Variants in PTPRD observed in about 807,000 individuals in gnomAD.
PTPRD encodes protein tyrosine phosphatase receptor type D, also known as receptor-type tyrosine-protein phosphatase delta.
Under a neutral mutation model 214.5 loss-of-function variants are expected in PTPRD, and 34 were observed. That is an observed-to-expected ratio of 0.16 (90% confidence interval 0.12 to 0.21). The LOEUF is 0.21. Ranked by LOEUF, PTPRD falls within the 10% of genes least tolerant of loss-of-function variation. The probability of loss-of-function intolerance (pLI) is 1.00; values close to 1 mark genes in which losing one functional copy is unlikely to be tolerated. For synonymous variants in PTPRD, 1,128 were observed against 845.7 expected, an observed-to-expected ratio of 1.33 and a Z score of -5.79; for missense variants, 2,545 against 2,398.7, an observed-to-expected ratio of 1.06 and a Z score of -1.27.
intron 3 of PTPRD, among the ~76,000 whole-genome samples, chr9:10,194,339 TATATATAGAGAGAGAGAGAGAG>T (rs1466845340): frequency 0.01 from 704 of 68,086 alleles, 5 homozygotes; most frequent in Admixed American, 0.057. Context: ...TATATATATA[TATATATAGAGAGAGAGAGAGAG>T]AGAGAGAGAG....
chr9:9,131,049 G>A (rs1456692254), intron 10 of PTPRD, among the ~76,000 whole-genome samples: 1 of 152,054 alleles, frequency 6.6e-6, no homozygotes, highest in African/African-American at 2.4e-5. Flanking sequence ...CGGTGCTTTT[G>A]TAGGATGGAA....
intron 9 of PTPRD, among the ~76,000 whole-genome samples, chr9:9,197,742 G>C (rs562212092): frequency 6.6e-6 from 1 of 152,254 alleles, no homozygotes; most frequent in South Asian, 2.1e-4. Flanking sequence ...TAATCTTCCA[G>C]TCTACTCTGG....
intron 5 of PTPRD, among the ~76,000 whole-genome samples, chr9:9,769,605 C>T (rs2098735629): frequency 6.6e-6 from 1 of 151,526 alleles, no homozygotes; most frequent in African/African-American, 2.4e-5. Flanking sequence ...GGATTACAGG[C>T]TTGAGCCACC....
chr9:8,452,413 G>C (rs2095995895), intron 33 of PTPRD, among the ~76,000 whole-genome samples: 1 of 152,134 alleles, frequency 6.6e-6, no homozygotes, highest in Non-Finnish European at 1.5e-5. Context: ...TAATACTAAA[G>C]AGTTTTAAAA....
At chr9:9,304,973 T>G (rs1051009524) in intron 9 of PTPRD, among the ~76,000 whole-genome samples, 7 of 146,032 alleles carry the variant, frequency 4.8e-5, no homozygotes, top group Admixed American at 2.1e-4. Context: ...GTAATCTAGT[T>G]GCCGAACTGT....
intron 11 of PTPRD, among the ~76,000 whole-genome samples, chr9:8,954,309 T>C (rs569084487): frequency 1.3e-5 from 2 of 151,372 alleles, no homozygotes; most frequent in Non-Finnish European, 3.0e-5. Flanking sequence ...CACATGAACA[T>C]AAAAAAAGGA....
At chr9:9,097,463 C>A (rs2099785171) in intron 10 of PTPRD, among the ~76,000 whole-genome samples, 1 of 151,060 alleles carries the variant, frequency 6.6e-6, no homozygotes, top group South Asian at 2.1e-4. Flanking sequence ...GGCTGGAATG[C>A]AGTGGCGCAA....
chr9:8,353,321 G>T (rs1223641961), intron 39 of PTPRD, among the ~76,000 whole-genome samples: 1 of 152,068 alleles, frequency 6.6e-6, no homozygotes, highest in African/African-American at 2.4e-5. Flanking sequence ...AGGCCTTTGT[G>T]TTGGTTTTGT....
intron 5 of PTPRD, among the ~76,000 whole-genome samples, chr9:9,923,123 G>GGTCT (rs1555340192): frequency 7.1e-4 from 103 of 145,056 alleles, no homozygotes; most frequent in South Asian, 3.8e-3. Context: ...GTGTGTGGGG[G>GGTCT]GTGTGTGTGT....
chr9:9,444,719 C>T (rs998409915), intron 8 of PTPRD, among the ~76,000 whole-genome samples: 1 of 152,104 alleles, frequency 6.6e-6, no homozygotes, highest in African/African-American at 2.4e-5. Context: ...TCATACTACT[C>T]TAAGAAGCTC....
chr9:10,540,598 G>A (rs1269726204), intron 2 of PTPRD, among the ~76,000 whole-genome samples: 1 of 152,022 alleles, frequency 6.6e-6, no homozygotes, highest in African/African-American at 2.4e-5. Flanking sequence ...TACATGTTTA[G>A]TTTGCATTTG....
intron 5 of PTPRD, among the ~76,000 whole-genome samples, chr9:9,814,537 T>C (rs2048145649): frequency 6.6e-6 from 1 of 152,042 alleles, no homozygotes; most frequent in African/African-American, 2.4e-5. Context: ...CCATTTGCAA[T>C]AACTTCAGAA....
At chr9:8,959,007 T>A (rs1200759793) in intron 11 of PTPRD, among the ~76,000 whole-genome samples, 1 of 152,048 alleles carries the variant, frequency 6.6e-6, no homozygotes, top group African/African-American at 2.4e-5. Context: ...TCATGGCAAC[T>A]GAGACAGGTC....
At chr9:9,617,916 C>CA (rs1202772085) in intron 7 of PTPRD, among the ~76,000 whole-genome samples, 1 of 150,566 alleles carries the variant, frequency 6.6e-6, no homozygotes, top group Admixed American at 6.6e-5. Flanking sequence ...ACTAAAAATA[C>CA]AAAAAATTAG....
At chr9:9,340,040 C>G (rs1367401806) in intron 9 of PTPRD, among the ~76,000 whole-genome samples, 1 of 152,020 alleles carries the variant, frequency 6.6e-6, no homozygotes, top group Admixed American at 6.6e-5. Context: ...AAGACATTAG[C>G]AATACAAAGT....
At chr9:9,542,075 A>G (rs915121933) in intron 8 of PTPRD, among the ~76,000 whole-genome samples, 1 of 151,800 alleles carries the variant, frequency 6.6e-6, no homozygotes, top group Non-Finnish European at 1.5e-5. Flanking sequence ...GAAAAGATCA[A>G]GAAAAATGAC....
intron 4 of PTPRD, among the ~76,000 whole-genome samples, chr9:10,022,619 A>C (rs900057171): frequency 6.6e-6 from 1 of 152,236 alleles, no homozygotes. Flanking sequence ...AACAAACTAC[A>C]CAATTTTTAC....
At chr9:10,286,462 A>C (rs2095357192) in intron 3 of PTPRD, among the ~76,000 whole-genome samples, 1 of 152,150 alleles carries the variant, frequency 6.6e-6, no homozygotes, top group Admixed American at 6.5e-5. Flanking sequence ...CATTTAAAAA[A>C]ATTAAAAATT....
At chr9:8,407,297 G>T (rs578075875) in intron 35 of PTPRD, among the ~76,000 whole-genome samples, 1 of 152,156 alleles carries the variant, frequency 6.6e-6, no homozygotes, top group Non-Finnish European at 1.5e-5. Flanking sequence ...ATTGTTACAA[G>T]GTAGGTATTG....
Sources: gnomAD v4.1 joint callset for allele counts (sites outside exome capture counted in the v4.1 genomes callset) on GRCh38, gnomAD v4.1.1 for gene constraint, MANE v1.5 for transcripts, NCBI Gene and HGNC (gene_info 2026-07-23, HGNC 2026-07-21) for gene names.